CCDC18: variants seen among roughly 807,000 people sequenced by gnomAD.
The protein encoded by CCDC18 is coiled-coil domain-containing protein 18.
A neutral mutation model predicts 196.0 loss-of-function variants in CCDC18; 157 were observed. The observed-to-expected ratio is 0.80, with a 90% CI of 0.70 to 0.91. The LOEUF is 0.91. Ranked by LOEUF, CCDC18 falls within the 40% of genes least tolerant of loss-of-function variation. CCDC18 has a pLI of 0.00. For missense variants in CCDC18, 1,465 were observed against 1,611.6 expected (o/e 0.91, Z 1.56); for synonymous variants, 482 against 529.2 (o/e 0.91, Z 1.22).
chr1:93,223,900 T>TACAC lies in CCDC18; in HGVS notation c.2175+2002_2175+2005dup, dbSNP rs60165485. Reference sequence around the variant, plus strand: ...TTTTTGTTTTGATTTCATTTATTTATACACACACACACACACACACACACA... The same window carrying TACAC: ...TTTTTGTTTTGATTTCATTTATTTATACACACACACACACACACACACACACACA... On this transcript the variant is annotated intron_variant, in intron 16 of 28. Coordinates refer to ENST00000690025, the MANE Select transcript of CCDC18 (RefSeq NM_001378204.1). 4.1e-3 allele frequency among the ~76,000 whole-genome samples: 580 copies of TACAC among 141,378 alleles called. 6 individuals carry two copies. The highest frequency in any genetic ancestry group is 0.013 in the East Asian group (62 of 4,774). The allele number at this position is 141,378 out of a possible 152,430, so 92.7% of individuals were successfully genotyped here. A position where few individuals can be genotyped will look rare whatever the true frequency, so the allele number is the denominator to read the frequency against.
chr1:93,227,335 T>G (rs1179178363), intron 17 of CCDC18, among the ~76,000 whole-genome samples: 9 of 143,804 alleles, frequency 6.3e-5, no homozygotes, highest in Admixed American at 5.6e-4. Flanking sequence ...ATTTTTTGTA[T>G]TTTTTTTTTT....
rs549987958 is a variant in CCDC18 at position 93,187,873 on chromosome 1, G to T, written c.462+1370G>T. On this transcript the variant is annotated intron_variant, in intron 4 of 28. Transcript: ENST00000690025. ...TGTTTTTCTTGATTTCTTACAAAAT[G>T]TACCTTTTCAGTATTTCTTTGCCAT... Among the ~76,000 whole-genome samples the T allele has an allele frequency of 1.1e-3, 162 of 152,164 alleles. 1 individual carries two copies. The highest frequency in any genetic ancestry group is 1.8e-3 in the Non-Finnish European group (122 of 67,968).
intron 3 of CCDC18, among the ~76,000 whole-genome samples, chr1:93,185,223 G>A (rs1208158429): frequency 6.6e-6 from 1 of 151,864 alleles, no homozygotes; most frequent in Non-Finnish European, 1.5e-5. Context: ...AAATGTTTGA[G>A]GTGTTATTTT....
At chr1:93,214,480 C>T (rs1656167495) in intron 11 of CCDC18, among the ~76,000 whole-genome samples, 1 of 152,140 alleles carries the variant, frequency 6.6e-6, no homozygotes, top group African/African-American at 2.4e-5. Flanking sequence ...GAGAAGGATT[C>T]TTACATTTCT....
chr1:93,269,360 G>A (rs926117244), intron 27 of CCDC18, among the ~76,000 whole-genome samples: 3 of 151,500 alleles, frequency 2.0e-5, no homozygotes, highest in Non-Finnish European at 4.4e-5. Context: ...CACCAACATG[G>A]CACATGTATA....
intron 3 of CCDC18, among the ~76,000 whole-genome samples, chr1:93,185,387 T>A (rs147954791): frequency 6.6e-6 from 1 of 152,062 alleles, no homozygotes; most frequent in Non-Finnish European, 1.5e-5. Flanking sequence ...GTAGACACCC[T>A]GCAGGATATG....
intron 28 of CCDC18, among the ~76,000 whole-genome samples, chr1:93,272,407 C>T (rs374175319): frequency 1.3e-4 from 20 of 152,178 alleles, no homozygotes; most frequent in Middle Eastern, 3.4e-3. Context: ...CTGTGCTGGC[C>T]AAAATTTCAC....
chr1:93,258,218 A>C (rs1663291944), intron 25 of CCDC18, among the ~76,000 whole-genome samples: 1 of 151,978 alleles, frequency 6.6e-6, no homozygotes, highest in Non-Finnish European at 1.5e-5. Flanking sequence ...GGATAGCAAA[A>C]TGTTCATGAC....
chr1:93,260,580 AAAGAGGATCAAT>A (rs1663643696), intron 26 of CCDC18, among the ~76,000 whole-genome samples: 1 of 152,116 alleles, frequency 6.6e-6, no homozygotes, highest in African/African-American at 2.4e-5. Flanking sequence ...GAGAGCTAGA[AAAGAGGATCAAT>A]AATTTTTAAC....
intron 9 of CCDC18, among the ~76,000 whole-genome samples, chr1:93,208,304 G>A (rs1655033443): frequency 6.6e-6 from 1 of 151,548 alleles, no homozygotes; most frequent in Non-Finnish European, 1.5e-5. Flanking sequence ...GGTGTGAAGT[G>A]GTATCACATT....
At chr1:93,225,527 A>C (rs1281689907) in intron 16 of CCDC18, among the ~76,000 whole-genome samples, 2 of 152,226 alleles carry the variant, frequency 1.3e-5, no homozygotes, top group African/African-American at 4.8e-5. Flanking sequence ...CTGTAATCCC[A>C]GCACTTTGGG....
At position 93,207,249 on chromosome 1, in the gene CCDC18, C is replaced by G. The variant is rs1206778301; in HGVS notation, c.1060C>G (p.Leu354Val). Residue 354 changes from leucine (L) to valine (V), a missense_variant, in exon 9 of 29, where the codon CTT (leucine) becomes GTT (valine). Leu to Val is a conservative substitution (Grantham distance 32). Transcript: ENST00000690025. ...TGAGTTAGAGAACAAAGACGAAATA[C>G]TTAGAGACAAATTTTCTTTAATGAA... Reference protein sequence around the residue: ...ESELENKDEILRDKFSLMNEN... With the variant: ...ESELENKDEIVRDKFSLMNEN... 6.2e-7 allele frequency: 1 copy of G among 1,613,364 alleles called. No homozygotes were observed. The highest frequency in any genetic ancestry group is 1.3e-5 in the African/African-American group (1 of 74,834).
At chr1:93,213,169 ACCTCC>A (rs1655938825) in intron 11 of CCDC18, among the ~76,000 whole-genome samples, 1 of 151,294 alleles carries the variant, frequency 6.6e-6, no homozygotes, top group African/African-American at 2.4e-5. Context: ...CCTGCCACTC[ACCTCC>A]TACTATGTGG....
Position 93,214,773 on chromosome 1 carries a change from C to A in CCDC18, c.1526C>A (p.Thr509Asn). The A allele has an allele frequency of 6.2e-7, 1 of 1,612,180 alleles. No individual in the cohort carries two copies. Among genetic ancestry groups the A allele is most frequent in the South Asian group, 1.1e-5 (1 of 90,992 alleles). The change falls in exon 12 of 29, where the codon ACT becomes AAT. Residue 509 changes from threonine (T) to asparagine (N), a missense_variant. Thr to Asn is a moderately conservative substitution (Grantham distance 65, BLOSUM62 0). Coordinates refer to ENST00000690025, the MANE Select transcript of CCDC18 (RefSeq NM_001378204.1). ...AGCGTAAAAGATCAAAATCAACATA[C>A]TATGAACAAGCAATATGAAAAAGAG... ...AESVKDQNQH[T>N]MNKQYEKERQ...
chr1:93,211,379 A>G (rs1655630071), intron 10 of CCDC18, among the ~76,000 whole-genome samples: 1 of 152,064 alleles, frequency 6.6e-6, no homozygotes, highest in South Asian at 2.1e-4. Context: ...TAAGAATTGA[A>G]TCTTCTTAAC....
intron 4 of CCDC18, among the ~76,000 whole-genome samples, chr1:93,189,518 G>A (rs1464677285): frequency 1.3e-5 from 2 of 152,178 alleles, no homozygotes; most frequent in Non-Finnish European, 2.9e-5. Flanking sequence ...TATGGTAGCT[G>A]TATTTTTAGT....
chr1:93,224,052 AT>A (rs1657907382), intron 16 of CCDC18, among the ~76,000 whole-genome samples: 2 of 152,018 alleles, frequency 1.3e-5, no homozygotes, highest in Admixed American at 1.3e-4. Context: ...TGGGTTTTTA[AT>A]TAGTTTTTTA....
intron 28 of CCDC18, among the ~76,000 whole-genome samples, chr1:93,278,068 C>A (rs900631352): frequency 2.6e-5 from 4 of 151,958 alleles, no homozygotes; most frequent in African/African-American, 7.3e-5. Context: ...CTCCCTGCAA[C>A]CTCCCCCTCC....
intron 9 of CCDC18, among the ~76,000 whole-genome samples, chr1:93,210,096 A>C (rs558136761): frequency 8.3e-4 from 127 of 152,142 alleles, no homozygotes; most frequent in Non-Finnish European, 1.4e-3. Context: ...CGAATGTGGT[A>C]ATGTATGCTT....
Sources: gnomAD v4.1 joint callset for allele counts (sites outside exome capture counted in the v4.1 genomes callset) on GRCh38, gnomAD v4.1.1 for gene constraint, MANE v1.5 for transcripts, NCBI Gene and HGNC (gene_info 2026-07-23, HGNC 2026-07-21) for gene names.